The following WDR35 variants were observed in gnomAD, a reference collection of about 807,000 sequenced individuals.
The protein encoded by WDR35 is WD repeat domain 35.
WDR35 carries 118 observed loss-of-function variants against 158.3 expected under a neutral mutation model. The ratio of observed to expected loss-of-function variants is 0.75; its 90% CI spans 0.64 to 0.87. WDR35 has a LOEUF of 0.87. WDR35 is among the 40% of genes least tolerant of loss of function. WDR35 has a pLI of 0.00. For missense variants in WDR35, 1,263 were observed against 1,405.8 expected (o/e 0.90, Z 1.62); for synonymous variants, 448 against 476.1 (o/e 0.94, Z 0.77).
rs200592293 is a variant in WDR35 at position 19,938,233 on chromosome 2, A to T, written c.2063+32T>A. 15 of 1,613,860 alleles carry T rather than the reference A, an allele frequency of 9.3e-6. No individual in the cohort carries two copies. The Admixed American group carries it at 2.5e-4, about 27-fold the overall frequency. On this transcript the variant is annotated intron_variant, in intron 18 of 26. Transcript: ENST00000281405. ...CTGAGACTTTAAAAACCTACACCTG[A>T]CATCCTGGGAGAGTTTGCTTTTTTT... is the stretch of plus-strand genomic sequence containing the variant.
Position 19,931,268 on chromosome 2 carries a change from C to T in WDR35, c.2964+1G>A. On this transcript the variant is annotated splice_donor_variant, in intron 24 of 26. Coordinates refer to ENST00000281405, the MANE Select transcript of WDR35 (RefSeq NM_020779.4). LOFTEE classifies it high-confidence loss of function. ...TAATGTTATTTAACGTGCTACTTTACCTCTGAACTTTTTCCTTTAACTTTT... is the reference window on the plus strand; with the variant it reads ...TAATGTTATTTAACGTGCTACTTTATCTCTGAACTTTTTCCTTTAACTTTT... The T allele has an allele frequency of 6.2e-7, 1 of 1,610,524 alleles. No individual in the cohort carries two copies. Among genetic ancestry groups the T allele is most frequent in the Non-Finnish European group, 8.5e-7 (1 of 1,178,556 alleles).
intron 2 of WDR35, among the ~76,000 whole-genome samples, chr2:19,983,777 G>GAGTACACATGTACAGTTT (rs1269057043): frequency 2.0e-5 from 3 of 151,974 alleles, no homozygotes; most frequent in Non-Finnish European, 4.4e-5. Flanking sequence ...GGTAACACAA[G>GAGTACACATGTACAGTTT]AGTACACATG....
At chr2:19,917,557 G>C (rs1323767863) in intron 25 of WDR35, among the ~76,000 whole-genome samples, 1 of 152,194 alleles carries the variant, frequency 6.6e-6, no homozygotes, top group African/African-American at 2.4e-5. Flanking sequence ...TAAATGACCT[G>C]ATGGAGCTGA....
chr2:19,954,712 T>C (rs62109415), intron 11 of WDR35, among the ~76,000 whole-genome samples: 12,294 of 152,244 alleles, frequency 0.081, 706 homozygotes, highest in South Asian at 0.2. Flanking sequence ...GAATGTAATA[T>C]GGTGTGTTCA....
At chr2:19,945,087 G>A (rs564275730) in intron 16 of WDR35, among the ~76,000 whole-genome samples, 6 of 152,102 alleles carry the variant, frequency 3.9e-5, no homozygotes, top group South Asian at 2.1e-4. Context: ...GTTACCACTC[G>A]GATTATTTTG....
At position 19,975,561 on chromosome 2, in the gene WDR35, A is replaced by G; in HGVS notation, c.539T>C (p.Ile180Thr). 6.2e-7 allele frequency: 1 copy of G among 1,613,896 alleles called. No individual in the cohort carries two copies. Among genetic ancestry groups the G allele is most frequent in the Non-Finnish European group, 8.5e-7 (1 of 1,179,868 alleles). Residue 180 changes from isoleucine (I) to threonine (T), a missense_variant, in exon 6 of 27, where the codon ATA becomes ACA. Ile to Thr is a moderately conservative substitution (Grantham distance 89). Coordinates refer to ENST00000281405, the MANE Select transcript of WDR35 (RefSeq NM_020779.4). ...VLLFGMANGE[I>T]HIYDNQGNFM... is the part of the protein sequence containing the mutation. Reference sequence around the variant, plus strand: ...ATTTCCTTGATTATCGTAAATGTGTATTTCCCCATTTGCCATTCCAAAAAG... The same window carrying G: ...ATTTCCTTGATTATCGTAAATGTGTGTTTCCCCATTTGCCATTCCAAAAAG...
At chr2:19,951,170 A>C (rs1191907338) in intron 13 of WDR35, among the ~76,000 whole-genome samples, 3 of 152,302 alleles carry the variant, frequency 2.0e-5, no homozygotes, top group African/African-American at 7.2e-5. Context: ...TATGTTTTCC[A>C]ACATTTTTAG....
chr2:19,966,182 A>G (rs1244093507), intron 10 of WDR35, among the ~76,000 whole-genome samples: 1 of 152,248 alleles, frequency 6.6e-6, no homozygotes, highest in African/African-American at 2.4e-5. Context: ...ACAGCCAAAG[A>G]TATTGGTAGT....
intron 5 of WDR35, among the ~76,000 whole-genome samples, chr2:19,977,672 C>T (rs1165849930): frequency 6.6e-6 from 1 of 152,144 alleles, no homozygotes; most frequent in Non-Finnish European, 1.5e-5. Flanking sequence ...ACATTGCTCC[C>T]ATTCTTAAAA....
chr2:19,949,106 C>T (rs1322816290), intron 13 of WDR35, among the ~76,000 whole-genome samples: 1 of 152,258 alleles, frequency 6.6e-6, no homozygotes. Flanking sequence ...CATAAGATGA[C>T]ACCACTGAAG....
chr2:19,977,113 T>A (rs1489177515), intron 5 of WDR35, among the ~76,000 whole-genome samples: 1 of 152,182 alleles, frequency 6.6e-6, no homozygotes, highest in East Asian at 1.9e-4. Flanking sequence ...ACTGCAGGCA[T>A]AAGCCACTGT....
At position 19,911,701 on chromosome 2, in the gene WDR35, C is replaced by T. The variant is rs1669840371; in HGVS notation, c.*1857G>A. 6.6e-6 allele frequency: 1 copy of T among 152,058 alleles called. No individual in the cohort carries two copies. Among genetic ancestry groups the T allele is most frequent in the African/African-American group, 2.4e-5 (1 of 41,396 alleles). 9.4% of individuals were successfully genotyped at this position (152,058 alleles called of 1,614,324 possible). A position where few individuals can be genotyped will look rare whatever the true frequency, so the allele number is the denominator to read the frequency against. Reference sequence around the variant, plus strand: ...ATGTGTGACCACAGATAGAAAGGAGCAAGAGATACCAAATATTCATGAAGC... The same window carrying T: ...ATGTGTGACCACAGATAGAAAGGAGTAAGAGATACCAAATATTCATGAAGC... On this transcript the variant is annotated 3_prime_UTR_variant, in exon 27 of 27. Transcript: ENST00000281405.
At chr2:19,914,424 A>T in intron 25 of WDR35, 147 bp from the exon 26 acceptor site, 1 of 972,926 alleles carries the variant, frequency 1.0e-6, no homozygotes, top group Non-Finnish European at 1.5e-6. Flanking sequence ...GAGCACCAAG[A>T]GGAGGAACTA....
At chr2:19,923,782 C>T (rs1005773896) in intron 25 of WDR35, among the ~76,000 whole-genome samples, 7 of 152,144 alleles carry the variant, frequency 4.6e-5, no homozygotes, top group South Asian at 2.1e-4. Context: ...CCCAGAACAA[C>T]GGGGAAATAT....
intron 25 of WDR35, among the ~76,000 whole-genome samples, chr2:19,923,854 C>G (rs1003691364): frequency 1.3e-5 from 2 of 152,176 alleles, no homozygotes; most frequent in African/African-American, 4.8e-5. Context: ...AGCTATAAAT[C>G]AGTATGGACC....
rs754138477 is a variant in WDR35, at chr2:19,941,849, CA to C, written c.1846-11del. On this transcript the variant is annotated splice_polypyrimidine_tract_variant and intron_variant, in intron 16 of 26. Transcript: ENST00000281405. ...AGGTCTGAATGGGTTCCTTTAAAGACAAAAAAAAAGTTATGTTTCATTATGC... is the reference window on the plus strand; with the variant it reads ...AGGTCTGAATGGGTTCCTTTAAAGACAAAAAAAAGTTATGTTTCATTATGC... The C allele has an allele frequency of 1.9e-4, 295 of 1,523,218 alleles. No homozygotes were observed. The highest frequency in any genetic ancestry group is 3.8e-4 in the Middle Eastern group (2 of 5,282). 94.4% of individuals were successfully genotyped at this position (1,523,218 alleles called of 1,614,324 possible).
At chr2:19,978,961 A>C in intron 4 of WDR35, 82 bp from the exon 5 acceptor site, 1 of 1,566,522 alleles carries the variant, frequency 6.4e-7, no homozygotes, top group Non-Finnish European at 8.7e-7. Flanking sequence ...GCATTCCATA[A>C]AGTACGCCAT....
chr2:19,918,093 T>C (rs1327118623), intron 25 of WDR35, among the ~76,000 whole-genome samples: 2 of 152,208 alleles, frequency 1.3e-5, no homozygotes, highest in African/African-American at 4.8e-5. Flanking sequence ...ATATTCAACA[T>C]TCTTAAAGAA....
chr2:19,937,744 T>C lies in WDR35; in HGVS notation c.2266A>G (p.Arg756Gly). The C allele has an allele frequency of 6.2e-7, 1 of 1,614,160 alleles. No homozygotes were observed. The highest frequency in any genetic ancestry group is 1.1e-5 in the South Asian group (1 of 91,080). ...AERTYLEMDR[R>G]DLAIGLRLKL... ...GATGCCTGCGCCTTCATAACTTACC[T>C]TCTGTCCATCTCGAGATACGTTCTT... Residue 756 changes from arginine (R) to glycine (G), a missense_variant and splice_region_variant, in exon 19 of 27, where the codon AGG becomes GGG. Coordinates refer to ENST00000281405, the MANE Select transcript of WDR35 (RefSeq NM_020779.4).
Sources: allele counts gnomAD v4.1 joint callset (sites outside exome capture counted in the v4.1 genomes callset), GRCh38; gene constraint gnomAD v4.1.1; transcripts MANE v1.5; gene names NCBI Gene and HGNC (gene_info 2026-07-23, HGNC 2026-07-21).